The following ITSN1 variants were observed in gnomAD, a reference collection of about 807,000 sequenced individuals.
ITSN1 encodes intersectin 1.
In ITSN1, 58 loss-of-function variants were observed where a neutral mutation model predicts 239.8. That is an observed-to-expected ratio of 0.24 (90% CI 0.20 to 0.30). ITSN1 has a LOEUF of 0.30. Among genes scored for constraint, ITSN1 ranks in the 10% least tolerant of loss-of-function variants. ITSN1 has a pLI of 1.00. For missense variants in ITSN1, 1,558 were observed against 2,103.3 expected (o/e 0.74, Z 5.07); for synonymous variants, 780 against 770.8 (o/e 1.01, Z -0.20).
intron 5 of ITSN1, among the ~76,000 whole-genome samples, chr21:33,739,006 G>A (rs751938801): frequency 6.6e-6 from 1 of 152,152 alleles, no homozygotes; most frequent in Non-Finnish European, 1.5e-5. Flanking sequence ...TTTTGCCCAG[G>A]CTGGTCTCAA....
chr21:33,677,521 G>A (rs2090666496), intron 1 of ITSN1, among the ~76,000 whole-genome samples: 1 of 151,892 alleles, frequency 6.6e-6, no homozygotes, highest in African/African-American at 2.4e-5. Flanking sequence ...TATATTTTTA[G>A]TAGAGACAGG....
At chr21:33,745,347 G>A (rs998658911) in intron 5 of ITSN1, among the ~76,000 whole-genome samples, 9 of 152,280 alleles carry the variant, frequency 5.9e-5, no homozygotes, top group African/African-American at 1.7e-4. Context: ...GGATGGAGAG[G>A]GGACTGTGGA....
chr21:33,758,435 C>A (rs1352020898), intron 8 of ITSN1, among the ~76,000 whole-genome samples: 1 of 152,166 alleles, frequency 6.6e-6, no homozygotes, highest in East Asian at 1.9e-4. Context: ...CACTGTTTAC[C>A]CCACTGACTA....
intron 19 of ITSN1, among the ~76,000 whole-genome samples, chr21:33,802,093 T>C (rs1234295272): frequency 6.6e-6 from 1 of 152,244 alleles, no homozygotes; most frequent in Admixed American, 6.5e-5. Flanking sequence ...TTTTTAATGT[T>C]AAACAAACCA....
chr21:33,758,831 T>G (rs1011805044), intron 8 of ITSN1, among the ~76,000 whole-genome samples: 3 of 152,138 alleles, frequency 2.0e-5, no homozygotes, highest in African/African-American at 7.2e-5. Flanking sequence ...ATTTCTGGTT[T>G]TATTCCTATG....
intron 1 of ITSN1, among the ~76,000 whole-genome samples, chr21:33,688,346 G>A (rs188649767): frequency 1.4e-4 from 22 of 152,272 alleles, no homozygotes; most frequent in African/African-American, 5.1e-4. Context: ...ACATTCGTAG[G>A]ACTACACTGT....
At chr21:33,757,323 T>A (rs1038032089) in intron 8 of ITSN1, among the ~76,000 whole-genome samples, 2 of 152,146 alleles carry the variant, frequency 1.3e-5, no homozygotes, top group African/African-American at 4.8e-5. Context: ...CCCAGGCACT[T>A]GAGCATTTAG....
chr21:33,827,788 C>A (rs1302220836), intron 26 of ITSN1, among the ~76,000 whole-genome samples: 1 of 152,190 alleles, frequency 6.6e-6, no homozygotes, highest in African/African-American at 2.4e-5. Flanking sequence ...TCTTCCTGGT[C>A]TAGGTCATTT....
intron 1 of ITSN1, among the ~76,000 whole-genome samples, chr21:33,703,151 TAAAG>T (rs1242953439): frequency 2.0e-5 from 3 of 149,942 alleles, no homozygotes; most frequent in African/African-American, 4.9e-5. Flanking sequence ...TGTATATATA[TAAAG>T]AAAGAATATA....
At chr21:33,771,358 T>C (rs1341015554) in intron 11 of ITSN1, among the ~76,000 whole-genome samples, 1 of 151,956 alleles carries the variant, frequency 6.6e-6, no homozygotes, top group Non-Finnish European at 1.5e-5. Context: ...CTGGCCGGCG[T>C]TGGTACCAAG....
Position 33,845,002 on chromosome 21 carries a change from C to A in ITSN1, c.3661+8370C>A, listed in dbSNP as rs2074947044. Among the ~76,000 whole-genome samples the A allele has an allele frequency of 2.6e-5, 4 of 152,048 alleles. No individual in the cohort carries two copies. In the South Asian group the frequency reaches 8.3e-4, roughly 32 times the overall value. Reference sequence around the variant, plus strand: ...GAGCCCAGGAGGGACCCAGTCTACTCTGTTTACCTCTCCCGCTGCCCACTG... The same window carrying A: ...GAGCCCAGGAGGGACCCAGTCTACTATGTTTACCTCTCCCGCTGCCCACTG... On this transcript the variant is annotated intron_variant, in intron 29 of 39. Transcript: ENST00000381318.
At chr21:33,682,678 C>T (rs1275270421) in intron 1 of ITSN1, among the ~76,000 whole-genome samples, 1 of 152,078 alleles carries the variant, frequency 6.6e-6, no homozygotes, top group South Asian at 2.1e-4. Context: ...CAGGTGTGCA[C>T]CACCACACCC....
At chr21:33,734,995 G>C (rs1310304349) in intron 4 of ITSN1, 49 bp from the exon 5 acceptor site, 1 of 1,534,546 alleles carries the variant, frequency 6.5e-7, no homozygotes, top group South Asian at 1.3e-5. Flanking sequence ...GTTTTGGAAA[G>C]GTTCTTTTAT....
In ITSN1 at chr21:33,802,457, T is replaced by TC. The variant is rs756491626; in HGVS notation, c.2319+13_2319+14insC. On this transcript the variant is annotated intron_variant, in intron 20 of 39. Transcript: ENST00000381318. ...TAAAGGGGAATGGGTAAGTGTTGCC[T>TC]AACTGTCAGGAAGTCTGCATCTTAT... The TC allele has an allele frequency of 6.8e-5, 110 of 1,610,314 alleles. No homozygotes were observed. Among genetic ancestry groups the TC allele is most frequent in the Non-Finnish European group, 8.1e-5 (96 of 1,179,500 alleles).
chr21:33,830,983 C>G (rs1281222604), intron 27 of ITSN1, among the ~76,000 whole-genome samples: 5 of 152,106 alleles, frequency 3.3e-5, no homozygotes, highest in Non-Finnish European at 7.4e-5. Flanking sequence ...GGTAAAGGGC[C>G]TATGGGTGTT....
At position 33,797,546 on chromosome 21, in the gene ITSN1, G is replaced by A. The variant is rs762453980; in HGVS notation, c.2120G>A (p.Arg707Gln). The A allele has an allele frequency of 9.3e-6, 15 of 1,613,926 alleles. No homozygotes were observed. The highest frequency in any genetic ancestry group is 8.3e-5 in the Admixed American group (5 of 59,988). ...GKQEAQDKLG[R>Q]LFHQHQEPAK... The stretch of plus-strand genomic sequence containing the variant: ...CAGGAAGCACAAGACAAGCTGGGTC[G>A]GCTTTTCCATCAACACCAAGAACCA... Residue 707 changes from arginine (R) to glutamine (Q), a missense_variant, in exon 18 of 40, where the codon CGG (arginine) becomes CAG (glutamine). By Grantham distance (43) the Arg-to-Gln change is conservative. Transcript: ENST00000381318. The surrounding 1 kb of genome is among the most constrained non-coding windows in gnomAD (Gnocchi z 4.9).
intron 16 of ITSN1, among the ~76,000 whole-genome samples, chr21:33,789,487 G>T (rs1389521034): frequency 6.6e-6 from 1 of 152,104 alleles, no homozygotes; most frequent in African/African-American, 2.4e-5. Context: ...GAGACATCCT[G>T]AGGCGAACCA....
intron 6 of ITSN1, among the ~76,000 whole-genome samples, chr21:33,751,454 T>TG (rs2067550106): frequency 6.6e-6 from 1 of 152,224 alleles, no homozygotes; most frequent in Non-Finnish European, 1.5e-5. Flanking sequence ...GAACTAATAC[T>TG]TCAGCTCCTT....
chr21:33,805,765 G>A (rs1319912608), intron 20 of ITSN1, among the ~76,000 whole-genome samples: 3 of 151,346 alleles, frequency 2.0e-5, no homozygotes, highest in Non-Finnish European at 3.0e-5. Flanking sequence ...TCCGCCTCCC[G>A]GGTTCACGCC....
Sources: allele counts gnomAD v4.1 joint callset (sites outside exome capture counted in the v4.1 genomes callset), GRCh38; gene constraint gnomAD v4.1.1; non-coding constraint Gnocchi (gnomAD v3.1); transcripts MANE v1.5; gene names NCBI Gene and HGNC (gene_info 2026-07-23, HGNC 2026-07-21).